HGSNAT: variants seen among roughly 807,000 people sequenced by gnomAD.
HGSNAT encodes the protein transmembrane protein 76.
A neutral mutation model predicts 85.2 loss-of-function variants in HGSNAT; 59 were observed. The ratio of observed to expected loss-of-function variants is 0.69; its 90% confidence interval spans 0.56 to 0.86. The LOEUF (loss-of-function observed/expected upper bound fraction) is 0.86. Ranked by LOEUF, HGSNAT falls within the 40% of genes least tolerant of loss-of-function variation. The pLI, the probability that HGSNAT is intolerant of heterozygous loss-of-function variation, is 0.00. For synonymous variants in HGSNAT, 321 were observed against 304.5 expected (o/e 1.05, Z -0.56); for missense variants, 756 against 777.1 (o/e 0.97, Z 0.32).
intron 2 of HGSNAT, among the ~76,000 whole-genome samples, chr8:43,150,210 C>T (rs949346591): frequency 4.6e-5 from 7 of 152,152 alleles, no homozygotes; most frequent in Non-Finnish European, 8.8e-5. Context: ...GCCTCAGCCT[C>T]CCAGAGTGCT....
At chr8:43,151,812 G>T (rs1368718822) in intron 2 of HGSNAT, among the ~76,000 whole-genome samples, 3 of 152,160 alleles carry the variant, frequency 2.0e-5, no homozygotes, top group Non-Finnish European at 4.4e-5. Context: ...AGTGTTTTAG[G>T]TCTGTCTCAT....
At chr8:43,155,140 T>C (rs1803052056) in intron 2 of HGSNAT, among the ~76,000 whole-genome samples, 1 of 152,226 alleles carries the variant, frequency 6.6e-6, no homozygotes, top group South Asian at 2.1e-4. Context: ...ATTTTAATTT[T>C]TAGGAACCTT....
At position 43,196,221 on chromosome 8, in the gene HGSNAT, G is replaced by C. The variant is rs1006251057; in HGVS notation, c.1465-727G>C. On this transcript the variant is annotated intron_variant, in intron 14 of 17. Coordinates refer to ENST00000379644, the MANE Select transcript of HGSNAT (RefSeq NM_152419.3). ...GATTGAATAAGTTAATTCATGTAAA[G>C]TTCTAAGAACTGGCACATAAAAAAT... The C allele has an allele frequency of 4.4e-5, 15 of 337,270 alleles. No individual in the cohort carries two copies. In the East Asian group the frequency reaches 1.2e-3, roughly 27 times the overall value. The allele number at this position is 337,270 out of a possible 1,614,324, so 20.9% of individuals were successfully genotyped here.
intron 13 of HGSNAT, 25 bp downstream of exon 13, chr8:43,192,455 G>T (rs373983354): frequency 1.9e-6 from 3 of 1,580,436 alleles, no homozygotes; most frequent in African/African-American, 2.7e-5. Context: ...AGTTCGCTTA[G>T]AACTGGAACT....
At chr8:43,140,675 G>GCGC in intron 1 of HGSNAT, 61 bp downstream of exon 1, 3 of 850,018 alleles carry the variant, frequency 3.5e-6, no homozygotes, top group Non-Finnish European at 4.6e-6. Flanking sequence ...CCTCTCCGCG[G>GCGC]CGCCGCCCCT....
chr8:43,178,325 A>C, intron 10 of HGSNAT, 91 bp downstream of exon 10: 6 of 890,968 alleles, frequency 6.7e-6, no homozygotes, highest in East Asian at 2.6e-5. Context: ...CCTCCATCTC[A>C]GGTGCCTGCA....
At position 43,192,940 on chromosome 8, in the gene HGSNAT, G is replaced by A. The variant is rs578121455; in HGVS notation, c.1377+510G>A. ...GCGGGGGAATAAAGGAGGCAGGACC[G>A]TGCAGAGGGAGAAGTTGACCTGCAC... is the stretch of plus-strand genomic sequence containing the variant. On this transcript the variant is annotated intron_variant, in intron 13 of 17. Coordinates refer to ENST00000379644, the MANE Select transcript of HGSNAT (RefSeq NM_152419.3). Among the ~76,000 whole-genome samples the A allele has an allele frequency of 3.6e-4, 55 of 152,310 alleles. 1 individual carries two copies. The South Asian group carries it at 0.011, about 29-fold the overall frequency.
Position 43,182,260 on chromosome 8 carries a change from G to T in HGSNAT, c.1128G>T (p.Ser376=), listed in dbSNP as rs770462636. The T allele has an allele frequency of 3.7e-6, 6 of 1,608,334 alleles. No individual in the cohort carries two copies. The highest frequency in any genetic ancestry group is 4.3e-6 in the Non-Finnish European group (5 of 1,174,884). The part of the protein sequence containing the change: ...FAKPVPEHCA[S]ERSCLSLRDI... ...AACCTGTGCCTGAACATTGTGCCTC[G>T]GTGAGAAACCATGTTTTAATTAAGA... Residue 376 remains serine, a splice_region_variant and synonymous_variant, in exon 11 of 18, where the codon TCG becomes TCT. Coordinates refer to ENST00000379644, the MANE Select transcript of HGSNAT (RefSeq NM_152419.3).
At chr8:43,189,855 A>G (rs1459175011) in intron 11 of HGSNAT, among the ~76,000 whole-genome samples, 1 of 152,194 alleles carries the variant, frequency 6.6e-6, no homozygotes, top group East Asian at 1.9e-4. Context: ...GGCCTCCCAA[A>G]GTGCTGGGAG....
intron 11 of HGSNAT, among the ~76,000 whole-genome samples, chr8:43,185,316 G>T (rs1372116640): frequency 2.6e-5 from 4 of 152,136 alleles, no homozygotes; most frequent in Non-Finnish European, 5.9e-5. Flanking sequence ...ATTTTGTTGA[G>T]CAGTGGTTTG....
At chr8:43,141,009 C>T (rs1802509411) in intron 1 of HGSNAT, among the ~76,000 whole-genome samples, 1 of 152,318 alleles carries the variant, frequency 6.6e-6, no homozygotes, top group East Asian at 1.9e-4. Flanking sequence ...ACTCCCCCTG[C>T]ACCCAGTCCA....
At chr8:43,170,881 G>A (rs988225459) in intron 7 of HGSNAT, among the ~76,000 whole-genome samples, 187 bp downstream of exon 7, 1 of 152,246 alleles carries the variant, frequency 6.6e-6, no homozygotes, top group Non-Finnish European at 1.5e-5. Context: ...GATCCTCAGT[G>A]TCTGTATTGA....
intron 7 of HGSNAT, among the ~76,000 whole-genome samples, chr8:43,171,032 C>T (rs1352686337): frequency 1.3e-5 from 2 of 152,122 alleles, no homozygotes; most frequent in Non-Finnish European, 2.9e-5. Context: ...CTTGACGGCT[C>T]AGAAGATGCA....
intron 14 of HGSNAT, 177 bp downstream of exon 14, chr8:43,194,020 A>T: frequency 7.3e-7 from 1 of 1,367,856 alleles, no homozygotes; most frequent in Non-Finnish European, 9.4e-7. Context: ...AATTCAGCAC[A>T]TTCAAGTAAT....
intron 3 of HGSNAT, 39 bp downstream of exon 3, chr8:43,158,750 A>C (rs1195911178): frequency 6.4e-7 from 1 of 1,551,800 alleles, no homozygotes; most frequent in Non-Finnish European, 8.7e-7. Flanking sequence ...TGAAGTCTGC[A>C]TTTTCTCTTT....
At chr8:43,156,613 A>G (rs1183123895) in intron 2 of HGSNAT, among the ~76,000 whole-genome samples, 1 of 152,080 alleles carries the variant, frequency 6.6e-6, no homozygotes, top group Non-Finnish European at 1.5e-5. Flanking sequence ...AATTGATATG[A>G]TTTTGATTTT....
chr8:43,140,662 T>C lies in HGSNAT; in HGVS notation c.118+48T>C, dbSNP rs1265812087. On this transcript the variant is annotated intron_variant, in intron 1 of 17. Coordinates refer to ENST00000379644, the MANE Select transcript of HGSNAT (RefSeq NM_152419.3). ...CGCCCGGCCGGCTACGAGCGCAGCG[T>C]CTCCTCTCCGCGGCGCCGCCCCTAT... The C allele has an allele frequency of 1.8e-5, 18 of 981,534 alleles. 1 individual carries two copies. Among genetic ancestry groups the C allele is most frequent in the African/African-American group, 3.5e-5 (2 of 57,470 alleles). 60.8% of individuals were successfully genotyped at this position (981,534 alleles called of 1,614,324 possible).
rs184427243 is a variant in HGSNAT at position 43,166,925 on chromosome 8, G to A, written c.564-2248G>A. ...GGAAGTAAAATTATCAACATTAACA[G>A]GAGTTTGGAGGAAGTTGATTCCAGC... On this transcript the variant is annotated intron_variant, in intron 5 of 17. Transcript: ENST00000379644. Among the ~76,000 whole-genome samples, 25 of 152,308 alleles carry A rather than the reference G, an allele frequency of 1.6e-4. No individual in the cohort carries two copies. In the East Asian group the frequency reaches 2.3e-3, roughly 14 times the overall value.
chr8:43,167,925 T>TTC (rs1304898577), intron 5 of HGSNAT: 4 of 209,210 alleles, frequency 1.9e-5, no homozygotes, highest in Non-Finnish European at 2.0e-5. Context: ...CTTTCTTTCT[T>TTC]TTTTTTTTTT....
Sources: allele counts gnomAD v4.1 joint callset (sites outside exome capture counted in the v4.1 genomes callset), GRCh38; gene constraint gnomAD v4.1.1; transcripts MANE v1.5; gene names NCBI Gene and HGNC (gene_info 2026-07-23, HGNC 2026-07-21).